SLC39A11: variants seen among roughly 807,000 people sequenced by gnomAD.
SLC39A11 encodes solute carrier family 39 member 11.
SLC39A11 carries 33 observed loss-of-function variants against 36.1 expected under a neutral mutation model. The ratio of observed to expected loss-of-function variants is 0.91; its 90% CI spans 0.69 to 1.22. SLC39A11 has a LOEUF of 1.22. SLC39A11 is among the 50% of genes most tolerant of loss of function. The pLI is 0.00. For synonymous variants in SLC39A11, 166 were observed against 170.3 expected (o/e 0.97, Z 0.20); for missense variants, 432 against 430.3 (o/e 1.00, Z -0.03).
At chr17:73,022,219 G>A (rs765249991) in intron 4 of SLC39A11, among the ~76,000 whole-genome samples, 3 of 152,264 alleles carry the variant, frequency 2.0e-5, no homozygotes, top group Non-Finnish European at 4.4e-5. Context: ...AAGAAAGAGA[G>A]AGTTCATGGC....
chr17:73,022,413 G>A (rs939161594), intron 4 of SLC39A11, among the ~76,000 whole-genome samples: 1 of 151,954 alleles, frequency 6.6e-6, no homozygotes, highest in Non-Finnish European at 1.5e-5. Flanking sequence ...TGGCCAACAT[G>A]GCGAAACCTG....
intron 6 of SLC39A11, among the ~76,000 whole-genome samples, chr17:72,785,587 G>T (rs1008957082): frequency 3.3e-5 from 5 of 152,186 alleles, no homozygotes; most frequent in African/African-American, 1.2e-4. Flanking sequence ...TCCACCAGAT[G>T]CCCTCAAAGC....
intron 4 of SLC39A11, among the ~76,000 whole-genome samples, chr17:72,981,607 A>AAG: frequency 8.4e-6 from 1 of 119,738 alleles, no homozygotes; most frequent in Non-Finnish European, 1.8e-5. Flanking sequence ...AAAAAAAAAA[A>AAG]AAGGAAACCA....
intron 3 of SLC39A11, among the ~76,000 whole-genome samples, chr17:73,038,721 A>AAGAG (rs985387639): frequency 7.3e-6 from 1 of 136,174 alleles, no homozygotes; most frequent in Non-Finnish European, 1.6e-5. Flanking sequence ...GAAAAAGAGA[A>AAGAG]AGAGAGAGAG....
chr17:72,950,208 C>A (rs1337049171), intron 4 of SLC39A11, among the ~76,000 whole-genome samples: 2 of 152,186 alleles, frequency 1.3e-5, no homozygotes, highest in Non-Finnish European at 2.9e-5. Context: ...GGTGCCAACA[C>A]CCCCATGTAA....
intron 5 of SLC39A11, among the ~76,000 whole-genome samples, chr17:72,887,463 G>A (rs929837482): frequency 3.5e-4 from 54 of 152,328 alleles, no homozygotes; most frequent in African/African-American, 1.2e-3. Flanking sequence ...CATCTTTCTT[G>A]TGCCTGTGTA....
At chr17:72,760,274 C>T (rs560779451) in intron 6 of SLC39A11, among the ~76,000 whole-genome samples, 12 of 152,344 alleles carry the variant, frequency 7.9e-5, no homozygotes, top group South Asian at 4.1e-4. Context: ...GCAATCCACC[C>T]GCCTTGGCCT....
intron 5 of SLC39A11, among the ~76,000 whole-genome samples, chr17:72,882,354 T>C (rs1002381799): frequency 9.0e-6 from 1 of 111,390 alleles, no homozygotes; most frequent in Non-Finnish European, 1.7e-5. Context: ...TACATATTCC[T>C]ATATCTAAAA....
intron 6 of SLC39A11, among the ~76,000 whole-genome samples, chr17:72,757,941 A>G (rs367731969): frequency 7.2e-5 from 11 of 152,262 alleles, no homozygotes; most frequent in Admixed American, 4.6e-4. Context: ...GCTGGAGTGC[A>G]GTGGCGTGAT....
intron 4 of SLC39A11, among the ~76,000 whole-genome samples, chr17:73,014,596 G>A (rs1410894005): frequency 6.6e-6 from 1 of 152,326 alleles, no homozygotes; most frequent in African/African-American, 2.4e-5. Context: ...GTTCAAGGCT[G>A]CAATGAACTG....
intron 3 of SLC39A11, chr17:73,072,499 T>C (rs984265943): frequency 6.6e-6 from 1 of 152,144 alleles, no homozygotes; most frequent in African/African-American, 2.4e-5. Flanking sequence ...AGGTGATGTG[T>C]ATCACTTCCT....
chr17:73,025,186 C>A (rs1367533680), intron 4 of SLC39A11, among the ~76,000 whole-genome samples: 1 of 152,148 alleles, frequency 6.6e-6, no homozygotes, highest in Non-Finnish European at 1.5e-5. Context: ...CAGCCTCCCC[C>A]ACCCTCCTGG....
chr17:72,786,540 G>C (rs745425753), intron 6 of SLC39A11, among the ~76,000 whole-genome samples: 5 of 152,114 alleles, frequency 3.3e-5, no homozygotes, highest in Non-Finnish European at 7.4e-5. Flanking sequence ...TGTTCAGCTT[G>C]TTACAAAAGC....
At chr17:72,691,847 C>T (rs1009408195) in intron 7 of SLC39A11, among the ~76,000 whole-genome samples, 4 of 152,102 alleles carry the variant, frequency 2.6e-5, no homozygotes, top group African/African-American at 7.2e-5. Context: ...CGACACTGTC[C>T]AAGTTTGGTC....
intron 7 of SLC39A11, among the ~76,000 whole-genome samples, chr17:72,689,640 C>A (rs1260164341): frequency 6.6e-6 from 1 of 152,174 alleles, no homozygotes; most frequent in Non-Finnish European, 1.5e-5. Flanking sequence ...ATCTATGCCA[C>A]AATGCAGATG....
intron 7 of SLC39A11, among the ~76,000 whole-genome samples, chr17:72,731,713 T>TTTTG (rs55797288): frequency 0.34 from 51,118 of 149,982 alleles, 9,724 homozygotes; most frequent in Middle Eastern, 0.51. Flanking sequence ...GCATTCCTTT[T>TTTTG]TTTGTTTGTT....
intron 6 of SLC39A11, among the ~76,000 whole-genome samples, chr17:72,758,863 T>C (rs1026029310): frequency 8.5e-5 from 13 of 152,168 alleles, no homozygotes; most frequent in African/African-American, 2.9e-4. Flanking sequence ...TACACAGGAC[T>C]GAGATGACCC....
intron 4 of SLC39A11, among the ~76,000 whole-genome samples, chr17:73,012,780 T>G (rs1041638590): frequency 1.3e-5 from 2 of 152,006 alleles, no homozygotes; most frequent in Non-Finnish European, 2.9e-5. Context: ...TTTTATTTAT[T>G]TATTTATTTA....
At chr17:72,732,183 A>C (rs1228658236) in intron 7 of SLC39A11, among the ~76,000 whole-genome samples, 3 of 150,208 alleles carry the variant, frequency 2.0e-5, no homozygotes, top group Non-Finnish European at 4.4e-5. Flanking sequence ...CACCCGGCTA[A>C]TTTTTGTATT....
Sources: gnomAD v4.1 joint callset for allele counts (sites outside exome capture counted in the v4.1 genomes callset) on GRCh38, gnomAD v4.1.1 for gene constraint, MANE v1.5 for transcripts, NCBI Gene and HGNC (gene_info 2026-07-23, HGNC 2026-07-21) for gene names.